The following ARHGEF37 variants were observed in gnomAD, a reference collection of about 807,000 sequenced individuals.
The protein encoded by ARHGEF37 is Rho guanine nucleotide exchange factor 37.
In ARHGEF37, 55 loss-of-function variants were observed where a neutral mutation model predicts 71.1. The observed-to-expected ratio is 0.77, with a 90% CI of 0.62 to 0.97. The LOEUF is 0.97. Among genes scored for constraint, ARHGEF37 ranks in the 50% least tolerant of loss-of-function variants. ARHGEF37 has a pLI of 0.00. For synonymous variants in ARHGEF37, 327 were observed against 350.6 expected (o/e 0.93, Z 0.75); for missense variants, 765 against 836.8 (o/e 0.91, Z 1.06).
Position 149,631,167 on chromosome 5 carries a change from C to G in ARHGEF37, c.1819-815C>G, listed in dbSNP as rs545544662. Among the ~76,000 whole-genome samples, 34 of 147,958 alleles carry G rather than the reference C, an allele frequency of 2.3e-4. 1 individual carries two copies. In the East Asian group the frequency reaches 6.1e-3, roughly 27 times the overall value. On this transcript the variant is annotated intron_variant, in intron 12 of 12. Coordinates refer to ENST00000333677, the MANE Select transcript of ARHGEF37 (RefSeq NM_001001669.3). ...TCCTTCTTTCCTTCCTTCCTTCCTT[C>G]CTTTCTTTTTTTCTTTTTTTTTTTT...
At position 149,622,051 on chromosome 5, in the gene ARHGEF37, A is replaced by G; in HGVS notation, c.1324A>G (p.Ser442Gly). 1 of 1,609,338 alleles carries G rather than the reference A, an allele frequency of 6.2e-7. No individual in the cohort carries two copies. Residue 442 changes from serine to glycine, a missense_variant, in exon 9 of 13, where the codon AGC (serine) becomes GGC (glycine). Coordinates refer to ENST00000333677, the MANE Select transcript of ARHGEF37 (RefSeq NM_001001669.3). ...GCAAGTGCTGCAGAGGGCAGAGGGA[A>G]GCATGGCCCAGGTAAGGCCTCTGAG... ...AKQVLQRAEGSMAQLPHHHVP... is the reference protein window; with the variant it reads ...AKQVLQRAEGGMAQLPHHHVP...
In ARHGEF37 at chr5:149,620,336, C is replaced by A. The variant is rs1335175279; in HGVS notation, c.895-18C>A. 6.4e-7 allele frequency: 1 copy of A among 1,569,868 alleles called. No homozygotes were observed. The highest frequency in any genetic ancestry group is 1.2e-5 in the South Asian group (1 of 86,010). On this transcript the variant is annotated intron_variant, in intron 7 of 12. Transcript: ENST00000333677. ...ATGACAGGCATGATTGGATGTTTCT[C>A]CTTGGTACTGGGTCCAGGCTTTCCT... is the stretch of plus-strand genomic sequence containing the variant.
At chr5:149,614,572 A>C (rs559406186) in intron 4 of ARHGEF37, among the ~76,000 whole-genome samples, 2 of 152,164 alleles carry the variant, frequency 1.3e-5, no homozygotes, top group Non-Finnish European at 2.9e-5. Context: ...GTGAGGCGAT[A>C]GTTGTCCCCA....
At chr5:149,607,195 A>C in intron 3 of ARHGEF37, among the ~76,000 whole-genome samples, 1 of 152,148 alleles carries the variant, frequency 6.6e-6, no homozygotes, top group Non-Finnish European at 1.5e-5. Flanking sequence ...GAGCCATAGC[A>C]CCCAACCTGT....
chr5:149,575,884 C>A, intron 1 of ARHGEF37, among the ~76,000 whole-genome samples: 1 of 151,418 alleles, frequency 6.6e-6, no homozygotes. Context: ...TGCCGTCCCC[C>A]CCCTCAAAAA....
upstream of ARHGEF37, among the ~76,000 whole-genome samples, chr5:149,581,275 G>C (rs1237636173): frequency 6.6e-6 from 1 of 152,254 alleles, no homozygotes; most frequent in African/African-American, 2.4e-5. Flanking sequence ...GGCCGCGGGA[G>C]GGTGGGTGCC....
chr5:149,593,236 C>G (rs1763459997), intron 1 of ARHGEF37, among the ~76,000 whole-genome samples: 1 of 152,206 alleles, frequency 6.6e-6, no homozygotes, highest in African/African-American at 2.4e-5. Flanking sequence ...AGTATATTCA[C>G]AGACTTGTGC....
At chr5:149,554,991 C>T (rs1003862392) in intron 1 of ARHGEF37, among the ~76,000 whole-genome samples, 26 of 151,852 alleles carry the variant, frequency 1.7e-4, no homozygotes, top group Admixed American at 1.7e-3. Flanking sequence ...ATTAGCCGGG[C>T]GTGGTGGCAG....
intron 6 of ARHGEF37, 87 bp downstream of exon 6, chr5:149,618,393 C>T (rs916492285): frequency 1.3e-5 from 21 of 1,564,292 alleles, no homozygotes; most frequent in Non-Finnish European, 1.7e-5. Flanking sequence ...ACTTAGGCTC[C>T]TTTCAGAACT....
chr5:149,587,845 G>T (rs1763281537), intron 1 of ARHGEF37, among the ~76,000 whole-genome samples: 1 of 151,644 alleles, frequency 6.6e-6, no homozygotes, highest in South Asian at 2.1e-4. Flanking sequence ...TGGTAGCCAG[G>T]GTCCCTATGT....
At chr5:149,629,991 G>A (rs769982744) in intron 12 of ARHGEF37, among the ~76,000 whole-genome samples, 10 of 145,562 alleles carry the variant, frequency 6.9e-5, no homozygotes, top group Non-Finnish European at 1.1e-4. Flanking sequence ...GGGCAAATCC[G>A]TAGAGATAGA....
intron 3 of ARHGEF37, among the ~76,000 whole-genome samples, chr5:149,605,727 C>T (rs528659203): frequency 1.3e-5 from 2 of 152,246 alleles, no homozygotes; most frequent in South Asian, 2.1e-4. Flanking sequence ...CTCATAACAT[C>T]GTTACTTGTT....
At position 149,624,076 on chromosome 5, in the gene ARHGEF37, C is replaced by A. The variant is rs775287566; in HGVS notation, c.1400C>A (p.Thr467Lys). The A allele has an allele frequency of 3.1e-6, 5 of 1,612,040 alleles. No individual in the cohort carries two copies. The highest frequency in any genetic ancestry group is 4.2e-6 in the Non-Finnish European group (5 of 1,178,272). ...CTGGTGGAGGACGCACTGGGCCGGA[C>A]GAGTAACCAGCTTCGCTCCTTTCAA... is the stretch of plus-strand genomic sequence containing the variant. ...RKLVEDALGRTSNQLRSFQET... is the reference protein window; with the variant it reads ...RKLVEDALGRKSNQLRSFQET... Residue 467 changes from threonine (T) to lysine (K), a missense_variant, in exon 10 of 13, where the codon ACG (threonine) becomes AAG (lysine). This residue lies in a region of ARHGEF37 where 390 missense variants were observed against 407.4 expected (regional missense o/e 0.96). Transcript: ENST00000333677.
chr5:149,554,806 T>G (rs1762730924), intron 1 of ARHGEF37, among the ~76,000 whole-genome samples: 1 of 152,096 alleles, frequency 6.6e-6, no homozygotes, highest in African/African-American at 2.4e-5. Flanking sequence ...CATTCTGTAC[T>G]TATTGAATCA....
At chr5:149,593,001 CA>C (rs1763455251) in intron 1 of ARHGEF37, among the ~76,000 whole-genome samples, 1 of 152,102 alleles carries the variant, frequency 6.6e-6, no homozygotes, top group African/African-American at 2.4e-5. Flanking sequence ...AACTCCTGAC[CA>C]CAGGTGATCC....
chr5:149,576,097 T>A (rs1763026460), intron 1 of ARHGEF37, among the ~76,000 whole-genome samples: 1 of 151,978 alleles, frequency 6.6e-6, no homozygotes. Flanking sequence ...AATACAAAAT[T>A]AGCTGGGCCT....
At chr5:149,587,660 C>T (rs1763274275) in intron 1 of ARHGEF37, among the ~76,000 whole-genome samples, 1 of 152,102 alleles carries the variant, frequency 6.6e-6, no homozygotes, top group Non-Finnish European at 1.5e-5. Context: ...CTCTCTCTTA[C>T]TTTTTCTGAA....
intron 1 of ARHGEF37, among the ~76,000 whole-genome samples, chr5:149,591,983 T>C (rs1763421797): frequency 6.6e-6 from 1 of 152,240 alleles, no homozygotes; most frequent in African/African-American, 2.4e-5. Flanking sequence ...GAAGAGCATC[T>C]GTATAATATT....
chr5:149,587,217 T>C (rs1473731272), intron 1 of ARHGEF37, among the ~76,000 whole-genome samples: 1 of 152,228 alleles, frequency 6.6e-6, no homozygotes, highest in Non-Finnish European at 1.5e-5. Context: ...GGTATTAGTC[T>C]TATTCTCAGT....
Sources: allele counts gnomAD v4.1 joint callset (sites outside exome capture counted in the v4.1 genomes callset), GRCh38; gene constraint gnomAD v4.1.1; regional missense constraint gnomAD v4.1.1; transcripts MANE v1.5; gene names NCBI Gene and HGNC (gene_info 2026-07-23, HGNC 2026-07-21).